The following CENPP variants were observed in gnomAD, a reference collection of about 807,000 sequenced individuals.
The protein encoded by CENPP is centromere protein P.
A neutral mutation model predicts 35.6 loss-of-function variants in CENPP; 24 were observed. The ratio of observed to expected loss-of-function variants is 0.67; its 90% CI spans 0.49 to 0.95. The LOEUF (loss-of-function observed/expected upper bound fraction) is 0.95. Among genes scored for constraint, CENPP ranks in the 40% least tolerant of loss-of-function variants. The pLI, the probability that CENPP is intolerant of heterozygous loss-of-function variation, is 0.00. For synonymous variants in CENPP, 120 were observed against 125.5 expected, an observed-to-expected ratio of 0.96 and a Z score of 0.29; for missense variants, 332 against 345.3, an observed-to-expected ratio of 0.96 and a Z score of 0.31.
chr9:92,565,143 A>G (rs1172130256), intron 5 of CENPP, among the ~76,000 whole-genome samples: 10 of 152,132 alleles, frequency 6.6e-5, no homozygotes, highest in Non-Finnish European at 1.2e-4. Flanking sequence ...AATCTATCTG[A>G]TGTAACTATT....
intron 5 of CENPP, among the ~76,000 whole-genome samples, chr9:92,542,329 C>A (rs1368464302): frequency 6.6e-6 from 1 of 152,100 alleles, no homozygotes; most frequent in Admixed American, 6.5e-5. Flanking sequence ...AATATTTTCT[C>A]CCATTTTGTA....
intron 4 of CENPP, among the ~76,000 whole-genome samples, chr9:92,354,067 T>A (rs1841530707): frequency 6.6e-6 from 1 of 152,218 alleles, no homozygotes; most frequent in Non-Finnish European, 1.5e-5. Context: ...CTGCTGCACT[T>A]CTTTAGCCGT....
At chr9:92,341,563 T>TG (rs1391325355) in intron 3 of CENPP, 1 of 152,236 alleles carries the variant, frequency 6.6e-6, no homozygotes, top group Non-Finnish European at 1.5e-5. Flanking sequence ...ATGTGATTAT[T>TG]GGGGTAGGTC....
chr9:92,525,185 G>A lies in CENPP; in HGVS notation c.565-86129G>A, dbSNP rs10992358. Among the ~76,000 whole-genome samples, 123 of 152,212 alleles carry A rather than the reference G, an allele frequency of 8.1e-4. No homozygotes were observed. In the East Asian group the frequency reaches 0.022, roughly 27 times the overall value. ...CATAAAAAATTAGCTGGGCATGGTGGTGCATACCTGTAGTCCTAGCTACTC... is the reference window on the plus strand; with the variant it reads ...CATAAAAAATTAGCTGGGCATGGTGATGCATACCTGTAGTCCTAGCTACTC... On this transcript the variant is annotated intron_variant, in intron 5 of 7. Coordinates refer to ENST00000375587, the MANE Select transcript of CENPP (RefSeq NM_001012267.3).
intron 5 of CENPP, among the ~76,000 whole-genome samples, chr9:92,531,411 GT>G (rs1234100375): frequency 6.6e-6 from 1 of 152,008 alleles, no homozygotes; most frequent in African/African-American, 2.4e-5. Context: ...TATATATTCT[GT>G]TTCAGTTCTG....
intron 2 of CENPP, among the ~76,000 whole-genome samples, chr9:92,332,619 C>G (rs971654276): frequency 6.6e-6 from 1 of 152,132 alleles, no homozygotes; most frequent in Admixed American, 6.5e-5. Context: ...ACAAGCCTGG[C>G]CAACATGGTG....
chr9:92,474,648 G>A (rs148382623), intron 5 of CENPP: 25 of 1,612,776 alleles, frequency 1.6e-5, no homozygotes, highest in Non-Finnish European at 1.9e-5. Context: ...TGTACAACTC[G>A]TGAATAGCAC....
chr9:92,327,880 A>G (rs148802049), intron 1 of CENPP, among the ~76,000 whole-genome samples: 59 of 152,314 alleles, frequency 3.9e-4, no homozygotes, highest in African/African-American at 1.4e-3. Flanking sequence ...CTTGCCTGGC[A>G]TGGCCTTAGG....
At chr9:92,527,402 G>A (rs1445655671) in intron 5 of CENPP, among the ~76,000 whole-genome samples, 1 of 152,166 alleles carries the variant, frequency 6.6e-6, no homozygotes, top group East Asian at 1.9e-4. Context: ...TAGCCTAGGA[G>A]CAATAGGCTC....
At chr9:92,531,744 A>G (rs1162955933) in intron 5 of CENPP, among the ~76,000 whole-genome samples, 1 of 152,028 alleles carries the variant, frequency 6.6e-6, no homozygotes, top group Non-Finnish European at 1.5e-5. Context: ...GTTCCTTCCT[A>G]TATCTACTTT....
intron 5 of CENPP, among the ~76,000 whole-genome samples, chr9:92,472,922 G>A (rs1845580059): frequency 6.6e-6 from 1 of 152,172 alleles, no homozygotes; most frequent in South Asian, 2.1e-4. Context: ...CTCCTGCCCT[G>A]CCCCTGTTAA....
intron 5 of CENPP, among the ~76,000 whole-genome samples, chr9:92,519,098 A>G (rs1042249068): frequency 6.6e-6 from 1 of 151,968 alleles, no homozygotes; most frequent in Non-Finnish European, 1.5e-5. Context: ...TCCACCCCCA[A>G]ATGAGCCTCT....
intron 4 of CENPP, among the ~76,000 whole-genome samples, chr9:92,368,316 T>C (rs1043502866): frequency 6.6e-6 from 1 of 152,200 alleles, no homozygotes; most frequent in African/African-American, 2.4e-5. Context: ...GATATCTCAT[T>C]ATATACATGC....
At chr9:92,526,463 A>G (rs1384448591) in intron 5 of CENPP, among the ~76,000 whole-genome samples, 1 of 152,138 alleles carries the variant, frequency 6.6e-6, no homozygotes, top group Non-Finnish European at 1.5e-5. Flanking sequence ...AGCAATAAAC[A>G]CCTACATCAA....
chr9:92,567,379 T>TAGATATATATATATATATATAG (rs1000558894), intron 5 of CENPP, among the ~76,000 whole-genome samples: 2 of 90,456 alleles, frequency 2.2e-5, no homozygotes, highest in African/African-American at 1.1e-4. Flanking sequence ...GATAGATATA[T>TAGATATATATATATATATATAG]ATATATATAT....
rs778391016 is a variant in CENPP at position 92,337,573 on chromosome 9, T to G, written c.322T>G (p.Ser108Ala). The G allele has an allele frequency of 5.0e-6, 8 of 1,608,860 alleles. No homozygotes were observed. In the South Asian group the frequency reaches 8.8e-5, roughly 18 times the overall value. Residue 108 changes from serine (S) to alanine (A), a missense_variant, in exon 3 of 8, where the codon TCA becomes GCA. Transcript: ENST00000375587. ...IRKVLQRHRL[S>A]GNCHMVTFQL... ...AAAAGTTCTACAGAGACACAGATTA[T>G]CAGGAAATTGCCACATGGTTACATT...
intron 5 of CENPP, among the ~76,000 whole-genome samples, chr9:92,582,998 G>C (rs1424354465): frequency 6.6e-6 from 1 of 152,170 alleles, no homozygotes; most frequent in African/African-American, 2.4e-5. Context: ...GTCTTCTGCA[G>C]AACAGCTTTC....
intron 5 of CENPP, among the ~76,000 whole-genome samples, chr9:92,416,062 A>G (rs1284219009): frequency 2.1e-4 from 20 of 95,820 alleles, no homozygotes; most frequent in African/African-American, 5.4e-4. Context: ...ATGTGTGTAT[A>G]TATATATATT....
At chr9:92,370,069 GATT>G (rs1841974054) in intron 4 of CENPP, among the ~76,000 whole-genome samples, 1 of 152,092 alleles carries the variant, frequency 6.6e-6, no homozygotes. Flanking sequence ...CATCAATTGA[GATT>G]ATATGTTTTT....
Sources: gnomAD v4.1 joint callset for allele counts (sites outside exome capture counted in the v4.1 genomes callset) on GRCh38, gnomAD v4.1.1 for gene constraint, MANE v1.5 for transcripts, NCBI Gene and HGNC (gene_info 2026-07-23, HGNC 2026-07-21) for gene names.